Variants in ENTPD1 observed in about 807,000 individuals in gnomAD.
ENTPD1 encodes ectonucleoside triphosphate diphosphohydrolase 1.
ENTPD1 carries 33 observed loss-of-function variants against 57.0 expected under a neutral mutation model. The ratio of observed to expected loss-of-function variants is 0.58; its 90% confidence interval spans 0.44 to 0.77. The LOEUF (loss-of-function observed/expected upper bound fraction) is 0.77. Among genes scored for constraint, ENTPD1 ranks in the 30% least tolerant of loss-of-function variants. The pLI is 0.00. For missense variants in ENTPD1, 501 were observed against 603.4 expected (o/e 0.83, Z 1.78); for synonymous variants, 202 against 218.8 (o/e 0.92, Z 0.68).
chr10:95,854,632 G>A (rs1422693118), intron 7 of ENTPD1, among the ~76,000 whole-genome samples: 1 of 152,040 alleles, frequency 6.6e-6, no homozygotes, highest in East Asian at 1.9e-4. Flanking sequence ...GGTATGTTGT[G>A]TCTTTGTTCT....
chr10:95,749,252 C>A (rs561079449), intron 1 of ENTPD1, among the ~76,000 whole-genome samples: 1 of 152,328 alleles, frequency 6.6e-6, no homozygotes, highest in East Asian at 1.9e-4. Context: ...TATTATCCCC[C>A]TTGTGTGTTT....
Position 95,867,536 on chromosome 10 carries a change from C to G in ENTPD1, c.*1153C>G. The G allele has an allele frequency of 3.0e-6, 3 of 985,404 alleles. No homozygotes were observed. The highest frequency in any genetic ancestry group is 3.6e-6 in the Non-Finnish European group (3 of 829,924). 61.0% of individuals were successfully genotyped at this position (985,404 alleles called of 1,614,324 possible). On this transcript the variant is annotated 3_prime_UTR_variant, in exon 10 of 10. Transcript: ENST00000371205. Reference sequence around the variant, plus strand: ...GTGGAGTGGCATGCTTTTGCCCTATCGTGGAATTTACACATCAGAATGTGC... The same window carrying G: ...GTGGAGTGGCATGCTTTTGCCCTATGGTGGAATTTACACATCAGAATGTGC...
At chr10:95,848,653 A>G (rs1343115409) in intron 7 of ENTPD1, among the ~76,000 whole-genome samples, 1 of 152,180 alleles carries the variant, frequency 6.6e-6, no homozygotes, top group Non-Finnish European at 1.5e-5. Context: ...TTCACATGCA[A>G]AGCCAAAGCA....
At chr10:95,836,520 A>C (rs1260013812) in intron 2 of ENTPD1, among the ~76,000 whole-genome samples, 1 of 152,214 alleles carries the variant, frequency 6.6e-6, no homozygotes, top group Non-Finnish European at 1.5e-5. Flanking sequence ...TATTGAAATG[A>C]TCCCGAGGGA....
At chr10:95,704,950 AC>A in the ENTPD1 span, among the ~76,000 whole-genome samples, 1 of 151,998 alleles carries the variant, frequency 6.6e-6, no homozygotes, top group Non-Finnish European at 1.5e-5. Flanking sequence ...GAATCCATGT[AC>A]AATCCCCCAA....
At chr10:95,747,198 A>G (rs1449767569) in intron 1 of ENTPD1, among the ~76,000 whole-genome samples, 2 of 152,176 alleles carry the variant, frequency 1.3e-5, no homozygotes, top group East Asian at 3.9e-4. Flanking sequence ...TCTCCTTTTA[A>G]CCTTGAAATT....
At chr10:95,790,375 C>T (rs1051151521) in intron 1 of ENTPD1, among the ~76,000 whole-genome samples, 3 of 152,090 alleles carry the variant, frequency 2.0e-5, no homozygotes, top group Non-Finnish European at 4.4e-5. Context: ...GGTCAACAGA[C>T]TATTAGTTAA....
intron 1 of ENTPD1, among the ~76,000 whole-genome samples, chr10:95,777,443 T>G (rs989015797): frequency 3.9e-4 from 60 of 152,366 alleles, no homozygotes; most frequent in African/African-American, 1.4e-3. Flanking sequence ...GACCCTGTTT[T>G]TCTGGGTATC....
At chr10:95,751,467 C>T (rs916722887), upstream of ENTPD1, among the ~76,000 whole-genome samples, 2 of 152,100 alleles carry the variant, frequency 1.3e-5, no homozygotes, top group Admixed American at 6.6e-5. Flanking sequence ...CGCCTGTAAT[C>T]CCAGGACTTT....
intron 1 of ENTPD1, among the ~76,000 whole-genome samples, chr10:95,790,768 G>A (rs563917225): frequency 6.6e-5 from 10 of 152,264 alleles, no homozygotes; most frequent in African/African-American, 2.2e-4. Context: ...ATGAGTTGGA[G>A]AAATAGAGAT....
At chr10:95,862,573 ACACT>A (rs1478907631) in intron 8 of ENTPD1, among the ~76,000 whole-genome samples, 5 of 152,160 alleles carry the variant, frequency 3.3e-5, no homozygotes, top group Non-Finnish European at 7.4e-5. Flanking sequence ...ACACCTGCTG[ACACT>A]CAGTCAGGTA....
Position 95,768,471 on chromosome 10 carries a change from C to T in ENTPD1, c.16+12216C>T, listed in dbSNP as rs540235824. Among the ~76,000 whole-genome samples, 118 of 151,306 alleles carry T rather than the reference C, an allele frequency of 7.8e-4. 5 individuals are homozygous for T. In the South Asian group the frequency reaches 0.024, roughly 31 times the overall value. The stretch of plus-strand genomic sequence containing the variant: ...CTTCCCTCTTTCTTTCTCTTTCCCT[C>T]TCTTTCTTCTTTCTTTCTTTTCTTT... On this transcript the variant is annotated intron_variant, in intron 1 of 9. Coordinates refer to ENST00000371205, the MANE Select transcript of ENTPD1 (RefSeq NM_001776.6).
At chr10:95,856,651 CATAT>C (rs66753059) in intron 7 of ENTPD1, among the ~76,000 whole-genome samples, 14 of 142,198 alleles carry the variant, frequency 9.8e-5, no homozygotes, top group African/African-American at 2.3e-4. Context: ...TATATGTATG[CATAT>C]ATATATATAT....
chr10:95,752,098 C>A (rs1416199589), upstream of ENTPD1, among the ~76,000 whole-genome samples: 1 of 152,126 alleles, frequency 6.6e-6, no homozygotes, highest in Non-Finnish European at 1.5e-5. Context: ...GGAAGGCCAA[C>A]AATGGCCCAT....
At chr10:95,752,778 T>A (rs1452185162), upstream of ENTPD1, among the ~76,000 whole-genome samples, 2 of 152,192 alleles carry the variant, frequency 1.3e-5, no homozygotes, top group African/African-American at 2.4e-5. Context: ...GACAACCTAC[T>A]GCTTCAGCCT....
chr10:95,842,988 TCAGTTTCAATG>T (rs1451491259), intron 4 of ENTPD1, among the ~76,000 whole-genome samples: 2 of 152,294 alleles, frequency 1.3e-5, no homozygotes, highest in African/African-American at 4.8e-5. Flanking sequence ...CTCAAGGAAA[TCAGTTTCAATG>T]CAGGGTGATC....
upstream of ENTPD1, chr10:95,755,440 C>T (rs1394225637): frequency 2.2e-6 from 1 of 461,968 alleles, no homozygotes; most frequent in East Asian, 3.4e-5. Context: ...TGGTCAGGCT[C>T]TCATCTACAT....
intron 1 of ENTPD1, among the ~76,000 whole-genome samples, chr10:95,785,664 A>G (rs1194431219): frequency 6.6e-6 from 1 of 152,216 alleles, no homozygotes; most frequent in Non-Finnish European, 1.5e-5. Flanking sequence ...GAAATAAAAG[A>G]AAAGAGAAGA....
intron 1 of ENTPD1, among the ~76,000 whole-genome samples, chr10:95,774,038 A>G (rs1018255260): frequency 6.6e-6 from 1 of 152,162 alleles, no homozygotes; most frequent in Non-Finnish European, 1.5e-5. Context: ...AACTGGTGTG[A>G]GATGGTATCT....
Sources: gnomAD v4.1 joint callset for allele counts (sites outside exome capture counted in the v4.1 genomes callset) on GRCh38, gnomAD v4.1.1 for gene constraint, MANE v1.5 for transcripts, NCBI Gene and HGNC (gene_info 2026-07-23, HGNC 2026-07-21) for gene names.